PALM3: variants seen among roughly 807,000 people sequenced by gnomAD.
PALM3 encodes the protein paralemmin 3, also known as paralemmin-3.
PALM3 carries 20 observed loss-of-function variants against 27.9 expected under a neutral mutation model. That is an observed-to-expected ratio of 0.72 (90% CI 0.50 to 1.04). The LOEUF is 1.04. Among genes scored for constraint, PALM3 ranks in the 50% least tolerant of loss-of-function variants. The probability of loss-of-function intolerance (pLI) is 0.00; values close to 1 mark genes in which losing one functional copy is unlikely to be tolerated. For synonymous variants in PALM3, 328 were observed against 352.7 expected, an observed-to-expected ratio of 0.93 and a Z score of 0.79; for missense variants, 814 against 869.4, an observed-to-expected ratio of 0.94 and a Z score of 0.80.
chr19:14,053,769 C>A lies in PALM3; in HGVS notation c.1903G>T (p.Glu635Ter). Residue 635 changes from glutamate to a stop codon, truncating the protein, a stop_gained, in exon 7 of 7, where the codon GAA (glutamate) becomes TAA (stop). Coordinates refer to ENST00000669674, the MANE Select transcript of PALM3 (RefSeq NM_001145028.2). LOFTEE classifies it high-confidence loss of function. ...AETPAPEQPA[E>*]CQPLLQGEGP... ...TCCCCCTGAAGCAGTGGCTGGCATT[C>A]GGCGGGCTGCTCTGGGGCTGGGGTC... 1 of 1,529,496 alleles carries A rather than the reference C, an allele frequency of 6.5e-7. No homozygotes were observed. Among genetic ancestry groups the A allele is most frequent in the Non-Finnish European group, 8.8e-7 (1 of 1,140,186 alleles). 94.7% of individuals were successfully genotyped at this position (1,529,496 alleles called of 1,614,324 possible). A position where few individuals can be genotyped will look rare whatever the true frequency, so the allele number is the denominator to read the frequency against.
At chr19:14,056,177 G>C (rs550644393) in intron 5 of PALM3, among the ~76,000 whole-genome samples, 71 of 152,294 alleles carry the variant, frequency 4.7e-4, no homozygotes, top group African/African-American at 1.6e-3. Flanking sequence ...CCAAAGTTCT[G>C]GGATTACAGG....
Position 14,053,572 on chromosome 19 carries a change from G to T in PALM3, c.*33C>A, listed in dbSNP as rs1276954541. 3.5e-6 allele frequency: 5 copies of T among 1,438,810 alleles called. No individual in the cohort carries two copies. The highest frequency in any genetic ancestry group is 1.9e-4 in the Middle Eastern group (1 of 5,168). The allele number at this position is 1,438,810 out of a possible 1,614,324, so 89.1% of individuals were successfully genotyped here. On this transcript the variant is annotated 3_prime_UTR_variant, in exon 7 of 7. Coordinates refer to ENST00000669674, the MANE Select transcript of PALM3 (RefSeq NM_001145028.2). The stretch of plus-strand genomic sequence containing the variant: ...TGCCAAGAGGCCGAGGTAGCTGTGA[G>T]AGGAGCTGGACATGGGGTGGAGGGG...
intron 3 of PALM3, 90 bp downstream of exon 3, chr19:14,057,261 C>A: frequency 4.1e-6 from 3 of 739,294 alleles, no homozygotes; most frequent in Non-Finnish European, 5.5e-6. Context: ...AAAAATTGGA[C>A]AGAGGCTCCT....
Position 14,055,045 on chromosome 19 carries a change from T to C in PALM3, c.627A>G (p.Pro209=). 1 of 1,551,244 alleles carries C rather than the reference T, an allele frequency of 6.4e-7. No individual in the cohort carries two copies. Among genetic ancestry groups the C allele is most frequent in the Non-Finnish European group, 8.7e-7 (1 of 1,146,814 alleles). ...CTGCCCTCTGACTTAGCCCCTGCTC[T>C]GGAGTGGGGATGGGGCTGGGGCATG... ...NGPCPSPIPT[P]EQGLSQRAVP... is the part of the protein sequence containing the mutation. The change falls in exon 7 of 7, where the codon CCA becomes CCG. Residue 209 remains proline, a synonymous_variant. Coordinates refer to ENST00000669674, the MANE Select transcript of PALM3 (RefSeq NM_001145028.2).
In PALM3 at chr19:14,054,618, C is replaced by G. The variant is rs1976263009; in HGVS notation, c.1054G>C (p.Glu352Gln). The part of the protein sequence containing the change: ...EGDGQGGSGG[E>Q]EGSFIWVERV... Reference sequence around the variant, plus strand: ...TCCACCCAAATGAAGGATCCCTCCTCTCCTCCAGAGCCTCCCTGCCCATCA... The same window carrying G: ...TCCACCCAAATGAAGGATCCCTCCTGTCCTCCAGAGCCTCCCTGCCCATCA... The change falls in exon 7 of 7, where the codon GAG becomes CAG. Residue 352 changes from glutamate to glutamine, a missense_variant. Physicochemically the swap from Glu to Gln is conservative, Grantham distance 29. Coordinates refer to ENST00000669674, the MANE Select transcript of PALM3 (RefSeq NM_001145028.2). 1.3e-6 allele frequency: 2 copies of G among 1,551,804 alleles called. No homozygotes were observed. The highest frequency in any genetic ancestry group is 8.7e-7 in the Non-Finnish European group (1 of 1,146,966).
chr19:14,059,595 T>C (rs750030622), intron 1 of PALM3, among the ~76,000 whole-genome samples: 3 of 152,150 alleles, frequency 2.0e-5, no homozygotes, highest in Non-Finnish European at 4.4e-5. Context: ...TTAATTATAA[T>C]AACCATCTCC....
chr19:14,055,968 G>A (rs1380915495), intron 5 of PALM3, among the ~76,000 whole-genome samples: 2 of 152,266 alleles, frequency 1.3e-5, no homozygotes, highest in East Asian at 3.9e-4. Context: ...GAGTGCAGTG[G>A]TGTGATCTCA....
At position 14,054,578 on chromosome 19, in the gene PALM3, C is replaced by T; in HGVS notation, c.1094G>A (p.Ser365Asn). ...SFIWVERVTLSEEWEELLVEG... is the reference protein window; with the variant it reads ...SFIWVERVTLNEEWEELLVEG... ...CACCAGCAGCTCCTCCCACTCTTCACTGAGGGTCACTCTCTCCACCCAAAT... is the reference window on the plus strand; with the variant it reads ...CACCAGCAGCTCCTCCCACTCTTCATTGAGGGTCACTCTCTCCACCCAAAT... Residue 365 changes from serine to asparagine, a missense_variant, in exon 7 of 7, where the codon AGT becomes AAT. Physicochemically the swap from Ser to Asn is conservative, Grantham distance 46. Coordinates refer to ENST00000669674, the MANE Select transcript of PALM3 (RefSeq NM_001145028.2). 20 of 1,551,996 alleles carry T rather than the reference C, an allele frequency of 1.3e-5. No homozygotes were observed. Among genetic ancestry groups the T allele is most frequent in the Non-Finnish European group, 1.7e-5 (20 of 1,147,078 alleles).
chr19:14,056,761 G>A lies in PALM3; in HGVS notation c.215C>T (p.Ala72Val), dbSNP rs1251526267. 6.4e-7 allele frequency: 1 copy of A among 1,551,320 alleles called. No individual in the cohort carries two copies. Among genetic ancestry groups the A allele is most frequent in the African/African-American group, 1.4e-5 (1 of 73,036 alleles). ...GGGGTCTTCGGATGGCTCTGGCACTGCAGCTGCCCCATCCATTAGCCAACG... is the reference window on the plus strand; with the variant it reads ...GGGGTCTTCGGATGGCTCTGGCACTACAGCTGCCCCATCCATTAGCCAACG... ...RERWLMDGAA[A>V]VPEPSEDPTS... The change falls in exon 4 of 7, where the codon GCA (alanine) becomes GTA (valine). Residue 72 changes from alanine to valine, a missense_variant. Transcript: ENST00000669674.
intron 2 of PALM3, among the ~76,000 whole-genome samples, chr19:14,058,420 A>G (rs540126217): frequency 1.5e-5 from 2 of 135,388 alleles, no homozygotes; most frequent in Admixed American, 7.4e-5. Flanking sequence ...TGAGATGGGG[A>G]TCCAAAATGG....
At position 14,056,360 on chromosome 19, in the gene PALM3, G is replaced by T; in HGVS notation, c.399+69C>A. 3 of 1,433,808 alleles carry T rather than the reference G, an allele frequency of 2.1e-6. No homozygotes were observed. In the East Asian group the frequency reaches 7.4e-5, roughly 36 times the overall value. The allele number at this position is 1,433,808 out of a possible 1,614,324, so 88.8% of individuals were successfully genotyped here. A position where few individuals can be genotyped will look rare whatever the true frequency, so the allele number is the denominator to read the frequency against. ...TGCCCTTGGAGAAAGCTGCATTCCT[G>T]ATTCCATGTCCTGCCTTGAGGCCTG... On this transcript the variant is annotated intron_variant, in intron 5 of 6. Coordinates refer to ENST00000669674, the MANE Select transcript of PALM3 (RefSeq NM_001145028.2).
intron 1 of PALM3, 142 bp from the exon 2 acceptor site, chr19:14,059,305 G>T: frequency 2.6e-6 from 2 of 762,914 alleles, no homozygotes; most frequent in Non-Finnish European, 1.9e-6. Flanking sequence ...GAGTCTGGGC[G>T]GGGGGCGAGG....
chr19:14,053,852 G>A lies in PALM3; in HGVS notation c.1820C>T (p.Pro607Leu), dbSNP rs1337959798. 2.6e-6 allele frequency: 4 copies of A among 1,551,184 alleles called. No homozygotes were observed. The highest frequency in any genetic ancestry group is 2.0e-5 in the Admixed American group (1 of 50,942). Reference protein sequence around the residue: ...VGALEEEGVKPQTAAEGQGPL... With the variant: ...VGALEEEGVKLQTAAEGQGPL... ...GCCTTGGCCCTCAGCAGCGGTTTGG[G>A]GCTTCACTCCTTCCTCCTCCAGGGC... is the stretch of plus-strand genomic sequence containing the variant. The change falls in exon 7 of 7, where the codon CCC (proline) becomes CTC (leucine). Residue 607 changes from proline (P) to leucine (L), a missense_variant. Transcript: ENST00000669674.
In PALM3 at chr19:14,053,410, G is replaced by A. The variant is rs550821584; in HGVS notation, c.*195C>T. 3.8e-4 allele frequency: 195 copies of A among 514,056 alleles called. 2 individuals are homozygous for A. The highest frequency in any genetic ancestry group is 1.5e-3 in the South Asian group (26 of 17,452). 31.8% of individuals were successfully genotyped at this position (514,056 alleles called of 1,614,324 possible). A position where few individuals can be genotyped will look rare whatever the true frequency, so the allele number is the denominator to read the frequency against. ...TATTTTCAAGTATAAAGGCTTCATC[G>A]CAGAAGGAGGCCAGGGTTACAGGCA... On this transcript the variant is annotated 3_prime_UTR_variant, in exon 7 of 7. Coordinates refer to ENST00000669674, the MANE Select transcript of PALM3 (RefSeq NM_001145028.2).
At position 14,054,167 on chromosome 19, in the gene PALM3, C is replaced by T. The variant is rs1209551186; in HGVS notation, c.1505G>A (p.Gly502Glu). The T allele has an allele frequency of 6.4e-7, 1 of 1,551,904 alleles. No individual in the cohort carries two copies. Among genetic ancestry groups the T allele is most frequent in the East Asian group, 2.4e-5 (1 of 40,914 alleles). ...AEEEEVEEPLGVEKKGGEEEP... is the reference protein window; with the variant it reads ...AEEEEVEEPLEVEKKGGEEEP... ...TTCCTCACCTCCTTTCTTCTCTACTCCCAATGGTTCTTCTACCTCCTCCTC... is the reference window on the plus strand; with the variant it reads ...TTCCTCACCTCCTTTCTTCTCTACTTCCAATGGTTCTTCTACCTCCTCCTC... Residue 502 changes from glycine (G) to glutamate (E), a missense_variant, in exon 7 of 7, where the codon GGA becomes GAA. By Grantham distance (98) the Gly-to-Glu change is moderately conservative. Transcript: ENST00000669674.
In PALM3 at chr19:14,056,662, G is replaced by A. The variant is rs1478858720; in HGVS notation, c.314C>T (p.Thr105Ile). 5 of 1,551,648 alleles carry A rather than the reference G, an allele frequency of 3.2e-6. No individual in the cohort carries two copies. The highest frequency in any genetic ancestry group is 1.7e-4 in the Middle Eastern group (1 of 6,014). ...GCAGAGCTAGAAGGTCTCCACTCAC[G>A]TGAACAAACTGTCTTCCAGGTTCCG... ...RIRNLEDSLF[T>I]LQSQLQLLQS... Residue 105 changes from threonine (T) to isoleucine (I), a missense_variant and splice_region_variant, in exon 4 of 7, where the codon ACA (threonine) becomes ATA (isoleucine). Thr to Ile is a moderately conservative substitution (Grantham distance 89, BLOSUM62 -1). Transcript: ENST00000669674.
chr19:14,059,164 C>T lies in PALM3; in HGVS notation c.42-1G>A, dbSNP rs763383931. On this transcript the variant is annotated splice_acceptor_variant, in intron 1 of 6. Transcript: ENST00000669674. LOFTEE classifies it high-confidence loss of function. ...GTAGAGGGAGCTCTCCGCCATGGGC[C>T]TGTTGGGAGAGGGCAGGGGCTTCGA... The T allele has an allele frequency of 7.6e-6, 11 of 1,445,132 alleles. No individual in the cohort carries two copies. In the African/African-American group the frequency reaches 1.2e-4, roughly 16 times the overall value. 89.5% of individuals were successfully genotyped at this position (1,445,132 alleles called of 1,614,324 possible).
rs532926348 is a variant in PALM3, at chr19:14,056,995, A to G, written c.172-191T>C. On this transcript the variant is annotated intron_variant, in intron 3 of 6. Transcript: ENST00000669674. ...AGTGGGCAGACATCCCTTGTTCCAAACCCTTCCAAAATGAAACGGGCACTT... is the reference window on the plus strand; with the variant it reads ...AGTGGGCAGACATCCCTTGTTCCAAGCCCTTCCAAAATGAAACGGGCACTT... 3.7e-4 allele frequency: 234 copies of G among 639,686 alleles called. 1 individual carries two copies. In the South Asian group the frequency reaches 4.2e-3, roughly 11 times the overall value. 39.6% of individuals were successfully genotyped at this position (639,686 alleles called of 1,614,324 possible). A position where few individuals can be genotyped will look rare whatever the true frequency, so the allele number is the denominator to read the frequency against.
At position 14,054,026 on chromosome 19, in the gene PALM3, G is replaced by C. The variant is rs1202322773; in HGVS notation, c.1646C>G (p.Thr549Arg). ...TTGTTCTAGATTCAGATCTCCCTCC[G>C]TCCCTTGGGTCTTCTCTGTCTCCAA... ...ESLETEKTQG[T>R]EGDLNLEQGS... The change falls in exon 7 of 7, where the codon ACG becomes AGG. Residue 549 changes from threonine (T) to arginine (R), a missense_variant. Physicochemically the swap from Thr to Arg is moderately conservative, Grantham distance 71 (BLOSUM62 -1). Coordinates refer to ENST00000669674, the MANE Select transcript of PALM3 (RefSeq NM_001145028.2). The C allele has an allele frequency of 1.9e-6, 3 of 1,551,424 alleles. No individual in the cohort carries two copies. The highest frequency in any genetic ancestry group is 2.6e-6 in the Non-Finnish European group (3 of 1,146,950).
Sources: gnomAD v4.1 joint callset for allele counts (sites outside exome capture counted in the v4.1 genomes callset) on GRCh38, gnomAD v4.1.1 for gene constraint, MANE v1.5 for transcripts, NCBI Gene and HGNC (gene_info 2026-07-23, HGNC 2026-07-21) for gene names.